The following MCTP1 variants were observed in gnomAD, a reference collection of about 807,000 sequenced individuals.
MCTP1 encodes the protein multiple C2 and transmembrane domain-containing protein 1.
A neutral mutation model predicts 120.6 loss-of-function variants in MCTP1; 69 were observed. The observed-to-expected ratio is 0.57, with a 90% CI of 0.47 to 0.70. The LOEUF (loss-of-function observed/expected upper bound fraction) is 0.70, where lower values mean the gene tolerates loss of function less well. Ranked by LOEUF, MCTP1 falls within the 30% of genes least tolerant of loss-of-function variation. The pLI is 0.00. For missense variants in MCTP1, 1,203 were observed against 1,248.8 expected (o/e 0.96, Z 0.55); for synonymous variants, 529 against 493.1 (o/e 1.07, Z -0.96).
chr5:95,271,457 T>G (rs1004575678), intron 1 of MCTP1, among the ~76,000 whole-genome samples: 1 of 64,818 alleles, frequency 1.5e-5, no homozygotes, highest in Non-Finnish European at 2.9e-5. Context: ...TTTCTCTTCC[T>G]CAAATTAGAA....
intron 19 of MCTP1, among the ~76,000 whole-genome samples, chr5:94,729,420 G>A (rs1561537907): frequency 6.6e-6 from 1 of 152,190 alleles, no homozygotes; most frequent in Non-Finnish European, 1.5e-5. Flanking sequence ...AGGAGACCCA[G>A]TCACCTAGTC....
chr5:94,950,936 G>T (rs1820379251), intron 3 of MCTP1, among the ~76,000 whole-genome samples: 1 of 136,748 alleles, frequency 7.3e-6, no homozygotes, highest in Non-Finnish European at 1.6e-5. Context: ...GACAGAGCAA[G>T]ACTCTGTCTC....
At chr5:95,112,021 C>A (rs1757493414) in intron 1 of MCTP1, among the ~76,000 whole-genome samples, 1 of 152,124 alleles carries the variant, frequency 6.6e-6, no homozygotes, top group African/African-American at 2.4e-5. Context: ...TGCAGTGCCA[C>A]AAATATAGAA....
intron 1 of MCTP1, among the ~76,000 whole-genome samples, chr5:95,223,558 A>C (rs888614025): frequency 1.3e-5 from 2 of 152,220 alleles, no homozygotes; most frequent in Non-Finnish European, 2.9e-5. Context: ...CAAATGGCTC[A>C]TGGTCATTAT....
At chr5:95,246,433 G>C in intron 1 of MCTP1, among the ~76,000 whole-genome samples, 1 of 151,958 alleles carries the variant, frequency 6.6e-6, no homozygotes, top group Non-Finnish European at 1.5e-5. Context: ...GGCACACATA[G>C]GCTCAAAATA....
At position 95,036,443 on chromosome 5, in the gene MCTP1, C is replaced by T. The variant is rs892543963; in HGVS notation, c.721-18959G>A. Among the ~76,000 whole-genome samples, 11 of 152,282 alleles carry T rather than the reference C, an allele frequency of 7.2e-5. No individual in the cohort carries two copies. The Middle Eastern group carries it at 0.01, about 141-fold the overall frequency. The stretch of plus-strand genomic sequence containing the variant: ...AAAACAGGCAACCACAGATCCTCAA[C>T]AGCTCTTATGAAACCGAAACAAAGA... On this transcript the variant is annotated intron_variant, in intron 1 of 22. Coordinates refer to ENST00000515393, the MANE Select transcript of MCTP1 (RefSeq NM_024717.7).
intron 19 of MCTP1, among the ~76,000 whole-genome samples, chr5:94,771,487 T>C (rs912645891): frequency 2.0e-5 from 3 of 152,242 alleles, no homozygotes; most frequent in Non-Finnish European, 4.4e-5. Flanking sequence ...ATTAATAATA[T>C]AGACTTCTAA....
intron 7 of MCTP1, among the ~76,000 whole-genome samples, chr5:94,918,426 C>T (rs1273917526): frequency 6.6e-6 from 1 of 152,112 alleles, no homozygotes; most frequent in East Asian, 1.9e-4. Context: ...ACCTTGCATC[C>T]CACATGTAAA....
intron 10 of MCTP1, among the ~76,000 whole-genome samples, chr5:94,899,733 A>T (rs1373623325): frequency 6.6e-6 from 1 of 152,234 alleles, no homozygotes; most frequent in Non-Finnish European, 1.5e-5. Flanking sequence ...GCCTGTGCAC[A>T]TGTGGCCATA....
chr5:95,276,929 G>C (rs1361749151), intron 1 of MCTP1, among the ~76,000 whole-genome samples: 1 of 151,962 alleles, frequency 6.6e-6, no homozygotes, highest in African/African-American at 2.4e-5. Context: ...TCCAGCCTGG[G>C]CCACAGAGGG....
intron 17 of MCTP1, among the ~76,000 whole-genome samples, chr5:94,836,195 A>C (rs1324711523): frequency 6.6e-6 from 1 of 151,138 alleles, no homozygotes; most frequent in Non-Finnish European, 1.5e-5. Context: ...AAAAAAAAAA[A>C]AAAAAAAAAA....
chr5:94,777,927 C>CGTGTGCGTGTGTGT (rs1554095232), intron 19 of MCTP1, among the ~76,000 whole-genome samples: 3 of 148,850 alleles, frequency 2.0e-5, no homozygotes, highest in African/African-American at 5.0e-5. Flanking sequence ...AGAAAGTGTG[C>CGTGTGCGTGTGTGT]GTGTGTGTGT....
intron 17 of MCTP1, among the ~76,000 whole-genome samples, chr5:94,817,721 G>T (rs1027417090): frequency 1.3e-5 from 2 of 152,242 alleles, no homozygotes; most frequent in African/African-American, 4.8e-5. Flanking sequence ...CAAAGATCGT[G>T]GATCGATTTG....
chr5:95,121,484 T>C (rs997883002), intron 1 of MCTP1, among the ~76,000 whole-genome samples: 3 of 151,544 alleles, frequency 2.0e-5, no homozygotes, highest in African/African-American at 7.3e-5. Flanking sequence ...AAACACAGAA[T>C]GCAAGAAAGA....
chr5:95,234,018 A>G (rs1755257329), intron 1 of MCTP1, among the ~76,000 whole-genome samples: 1 of 144,658 alleles, frequency 6.9e-6, no homozygotes, highest in South Asian at 2.2e-4. Flanking sequence ...ATCAGAGAAG[A>G]AAAAAAAAAA....
At chr5:94,839,719 C>T (rs535961410) in intron 17 of MCTP1, among the ~76,000 whole-genome samples, 8 of 152,216 alleles carry the variant, frequency 5.3e-5, no homozygotes, top group African/African-American at 1.2e-4. Context: ...CAAACCCAAA[C>T]GATGGATTTG....
At chr5:94,826,356 A>G in intron 17 of MCTP1, 1 of 566,190 alleles carries the variant, frequency 1.8e-6, no homozygotes, top group Non-Finnish European at 3.3e-6. Flanking sequence ...GGATTTGATG[A>G]AGGCAAAGAA....
intron 1 of MCTP1, among the ~76,000 whole-genome samples, chr5:95,260,678 CTTA>C (rs1459393086): frequency 6.6e-6 from 1 of 151,848 alleles, no homozygotes; most frequent in Non-Finnish European, 1.5e-5. Context: ...ATATCATTTG[CTTA>C]TTATATCATT....
intron 10 of MCTP1, among the ~76,000 whole-genome samples, chr5:94,908,165 C>T (rs1242298422): frequency 2.0e-5 from 3 of 151,872 alleles, no homozygotes; most frequent in Non-Finnish European, 4.4e-5. Context: ...TTTAGGAAAA[C>T]TCTGAAAATA....
Sources: allele counts gnomAD v4.1 joint callset (sites outside exome capture counted in the v4.1 genomes callset), GRCh38; gene constraint gnomAD v4.1.1; transcripts MANE v1.5; gene names NCBI Gene and HGNC (gene_info 2026-07-23, HGNC 2026-07-21).